The following SLC2A9 variants were observed in gnomAD, a reference collection of about 807,000 sequenced individuals.
SLC2A9 encodes solute carrier family 2, facilitated glucose transporter member 9.
A neutral mutation model predicts 50.6 loss-of-function variants in SLC2A9; 39 were observed. The ratio of observed to expected loss-of-function variants is 0.77; its 90% confidence interval spans 0.60 to 1.01. SLC2A9 has a LOEUF of 1.01. Ranked by LOEUF, SLC2A9 falls within the 50% of genes least tolerant of loss-of-function variation. The probability of loss-of-function intolerance (pLI) is 0.00; values close to 1 mark genes in which losing one functional copy is unlikely to be tolerated. For missense variants in SLC2A9, 686 were observed against 677.6 expected (o/e 1.01, Z -0.14); for synonymous variants, 324 against 276.9 (o/e 1.17, Z -1.69).
intron 10 of SLC2A9, among the ~76,000 whole-genome samples, chr4:9,846,076 C>T (rs778677578): frequency 5.3e-5 from 8 of 152,144 alleles, no homozygotes; most frequent in African/African-American, 9.7e-5. Flanking sequence ...GAAGAAGTTG[C>T]GACCCAGAGT....
chr4:9,867,559 G>A (rs778017560), intron 10 of SLC2A9, among the ~76,000 whole-genome samples: 5 of 152,210 alleles, frequency 3.3e-5, no homozygotes, highest in Admixed American at 6.5e-5. Context: ...AAGAGAAAGC[G>A]GAGAAGCAGG....
At chr4:9,840,654 A>G (rs1186518798) in intron 10 of SLC2A9, among the ~76,000 whole-genome samples, 1 of 152,090 alleles carries the variant, frequency 6.6e-6, no homozygotes, top group East Asian at 1.9e-4. Flanking sequence ...TACTTGGGAT[A>G]TTTGTCTTTT....
chr4:9,772,091 G>A (rs1371316392), intron 1 of SLC2A9, among the ~76,000 whole-genome samples: 1 of 152,208 alleles, frequency 6.6e-6, no homozygotes, highest in Non-Finnish European at 1.5e-5. Flanking sequence ...GGAGTATGAA[G>A]AACACTGTGG....
chr4:9,794,089 T>G (rs1452509661), downstream of SLC2A9, among the ~76,000 whole-genome samples: 1 of 152,166 alleles, frequency 6.6e-6, no homozygotes, highest in African/African-American at 2.4e-5. Flanking sequence ...GCTCATTTAC[T>G]AGAACTCATC....
In SLC2A9 at chr4:10,021,440, G is replaced by A; in HGVS notation, c.-11C>T. 1 of 1,614,084 alleles carries A rather than the reference G, an allele frequency of 6.2e-7. No homozygotes were observed. The highest frequency in any genetic ancestry group is 8.5e-7 in the Non-Finnish European group (1 of 1,180,014). On this transcript the variant is annotated 5_prime_UTR_variant, in exon 1 of 12. Coordinates refer to ENST00000264784, the MANE Select transcript of SLC2A9 (RefSeq NM_020041.3). The stretch of plus-strand genomic sequence containing the variant: ...TTGTTTCCTTGCCATGGGTCTCAGT[G>A]ACCCAGCTGATGGCTCAGTCCAGGG...
At chr4:10,006,345 T>C (rs1263649952) in intron 2 of SLC2A9, 1 of 152,214 alleles carries the variant, frequency 6.6e-6, no homozygotes, top group African/African-American at 2.4e-5. Flanking sequence ...CTTGGAACGA[T>C]TCTCAGGAGT....
chr4:9,782,752 G>T lies in SLC2A9; in HGVS notation n.386-2687C>A, dbSNP rs142417212. On this transcript the variant is annotated intron_variant and non_coding_transcript_variant, in intron 3 of 3. Transcript: ENST00000503803. Reference sequence around the variant, plus strand: ...GCTTCTACATCCCCGTTGCCATCATGATCGTGACCTACACGCGCATCTACC... The same window carrying T: ...GCTTCTACATCCCCGTTGCCATCATTATCGTGACCTACACGCGCATCTACC... The T allele has an allele frequency of 3.7e-5, 59 of 1,613,960 alleles. No individual in the cohort carries two copies. In the African/African-American group the frequency reaches 6.5e-4, roughly 18 times the overall value.
At position 9,985,782 on chromosome 4, in the gene SLC2A9, A is replaced by G. The variant is rs757119278; in HGVS notation, c.422T>C (p.Leu141Ser). Residue 141 changes from leucine (L) to serine (S), a missense_variant, in exon 4 of 12, where the codon TTG (leucine) becomes TCG (serine). Leu to Ser is a moderately radical substitution (Grantham distance 145, BLOSUM62 -2). Transcript: ENST00000264784. ...IGKVLGRKHT[L>S]LANNGFAISA... ...AATTGCAAACCCATTATTGGCCAGC[A>G]AAGTGTGCTTCCTGGAAAGAAAGGA... The G allele has an allele frequency of 1.9e-6, 3 of 1,614,054 alleles. No homozygotes were observed. The highest frequency in any genetic ancestry group is 2.2e-5 in the East Asian group (1 of 44,894).
At chr4:9,799,255 C>A (rs1720994667) in intron 3 of SLC2A9, 1 of 151,842 alleles carries the variant, frequency 6.6e-6, no homozygotes, top group Non-Finnish European at 1.5e-5. Context: ...AAACAAAATA[C>A]CTTAGATTAG....
chr4:9,783,311 G>A (rs751403736), intron 3 of SLC2A9: 2 of 1,614,082 alleles, frequency 1.2e-6, no homozygotes, highest in Non-Finnish European at 1.7e-6. Flanking sequence ...GGTGGACAAC[G>A]ACGAGGAGGA....
intron 10 of SLC2A9, among the ~76,000 whole-genome samples, chr4:9,845,430 T>TC (rs1312891865): frequency 7.8e-6 from 1 of 128,718 alleles, no homozygotes; most frequent in African/African-American, 3.3e-5. Flanking sequence ...TCAATTTCTT[T>TC]TTTTTTTTTT....
At chr4:10,006,455 A>G (rs1760790602) in intron 2 of SLC2A9, 1 of 152,198 alleles carries the variant, frequency 6.6e-6, no homozygotes, top group South Asian at 2.1e-4. Flanking sequence ...AGGGCTTTAT[A>G]AAGACAGTCT....
chr4:9,827,262 T>C (rs1259328848), intron 11 of SLC2A9, among the ~76,000 whole-genome samples: 2 of 152,236 alleles, frequency 1.3e-5, no homozygotes, highest in African/African-American at 2.4e-5. Flanking sequence ...CTGTGCCTTA[T>C]AGGAGGTACT....
intron 2 of SLC2A9, among the ~76,000 whole-genome samples, chr4:10,002,070 T>C (rs987166740): frequency 2.0e-5 from 3 of 152,114 alleles, no homozygotes; most frequent in Admixed American, 1.3e-4. Context: ...GGGATTGGGT[T>C]TGGGGGCAGC....
chr4:9,993,090 C>T (rs1351789795), intron 3 of SLC2A9, among the ~76,000 whole-genome samples: 1 of 152,212 alleles, frequency 6.6e-6, no homozygotes, highest in East Asian at 1.9e-4. Context: ...ACTGAAGCCC[C>T]AGTGCCAAAA....
chr4:9,824,198 C>T (rs780277500), downstream of SLC2A9, among the ~76,000 whole-genome samples: 11 of 152,008 alleles, frequency 7.2e-5, no homozygotes, highest in Non-Finnish European at 1.2e-4. Context: ...CAAACTTAGC[C>T]GCCTCACCAT....
intron 6 of SLC2A9, among the ~76,000 whole-genome samples, chr4:9,935,533 C>T (rs560160458): frequency 6.6e-6 from 1 of 152,306 alleles, no homozygotes; most frequent in East Asian, 1.9e-4. Context: ...TGTTCTACTT[C>T]TGATGGTGCA....
chr4:9,787,481 T>A (rs565419192), intron 3 of SLC2A9, among the ~76,000 whole-genome samples: 1 of 152,356 alleles, frequency 6.6e-6, no homozygotes, highest in African/African-American at 2.4e-5. Flanking sequence ...CTTATCTCTG[T>A]TCTTCCCTTT....
In SLC2A9 at chr4:9,905,834, G is replaced by A. The variant is rs181791482; in HGVS notation, c.1113+2401C>T. Reference sequence around the variant, plus strand: ...CCCATGTAGAACACTTTGGGGTGTCGGTGGCAGGGACAGTAGGGGCCCCAT... The same window carrying A: ...CCCATGTAGAACACTTTGGGGTGTCAGTGGCAGGGACAGTAGGGGCCCCAT... On this transcript the variant is annotated intron_variant, in intron 8 of 11. Coordinates refer to ENST00000264784, the MANE Select transcript of SLC2A9 (RefSeq NM_020041.3). Among the ~76,000 whole-genome samples, 20 of 152,210 alleles carry A rather than the reference G, an allele frequency of 1.3e-4. No homozygotes were observed. In the East Asian group the frequency reaches 1.5e-3, roughly 12 times the overall value.
Sources: allele counts gnomAD v4.1 joint callset (sites outside exome capture counted in the v4.1 genomes callset), GRCh38; gene constraint gnomAD v4.1.1; transcripts MANE v1.5; gene names NCBI Gene and HGNC (gene_info 2026-07-23, HGNC 2026-07-21).